STX17: variants seen among roughly 807,000 people sequenced by gnomAD.
STX17 encodes the protein syntaxin-17.
STX17 carries 29 observed loss-of-function variants against 35.9 expected under a neutral mutation model. The observed-to-expected ratio is 0.81, with a 90% CI of 0.60 to 1.10. The LOEUF (loss-of-function observed/expected upper bound fraction) is 1.10. Among genes scored for constraint, STX17 ranks in the 50% least tolerant of loss-of-function variants. The probability of loss-of-function intolerance (pLI) is 0.00; values close to 1 mark genes in which losing one functional copy is unlikely to be tolerated. For synonymous variants in STX17, 92 were observed against 118.3 expected, an observed-to-expected ratio of 0.78 and a Z score of 1.44; for missense variants, 312 against 352.3, an observed-to-expected ratio of 0.89 and a Z score of 0.92.
rs200594087 is a variant in STX17, at chr9:99,928,954, A to G, written c.189+111A>G. ...AACCCTTTTATACACATTTGTTACT[A>G]TTTACTTGAGGATACATTTTTAGCA... On this transcript the variant is annotated intron_variant, in intron 3 of 7. Coordinates refer to ENST00000259400, the MANE Select transcript of STX17 (RefSeq NM_017919.3). 7 of 867,368 alleles carry G rather than the reference A, an allele frequency of 8.1e-6. No individual in the cohort carries two copies. In the East Asian group the frequency reaches 8.2e-5, roughly 10 times the overall value. The allele number at this position is 867,368 out of a possible 1,614,324, so 53.7% of individuals were successfully genotyped here.
At chr9:99,906,802 G>T (rs1019651229) in intron 1 of STX17, 96 bp downstream of exon 1, 7 of 152,294 alleles carry the variant, frequency 4.6e-5, no homozygotes, top group Non-Finnish European at 8.8e-5. Context: ...GGCGCTGGGC[G>T]GCAAGTAGGG....
At chr9:99,948,889 A>G (rs1829538080) in intron 3 of STX17, among the ~76,000 whole-genome samples, 1 of 152,164 alleles carries the variant, frequency 6.6e-6, no homozygotes, top group South Asian at 2.1e-4. Context: ...ACAAATGCTC[A>G]TTAAGTTTGG....
intron 4 of STX17, among the ~76,000 whole-genome samples, chr9:99,953,049 A>G (rs1263405145): frequency 2.0e-5 from 3 of 152,056 alleles, no homozygotes; most frequent in African/African-American, 7.2e-5. Context: ...AAAAATAAGA[A>G]TAAAAATAAA....
At position 99,968,821 on chromosome 9, in the gene STX17, A is replaced by G; in HGVS notation, c.*148A>G. Reference sequence around the variant, plus strand: ...GGATTGAAGTGTGATAAATGGATATATTTTGTTGTTTGCTGGGGTGTTCAT... The same window carrying G: ...GGATTGAAGTGTGATAAATGGATATGTTTTGTTGTTTGCTGGGGTGTTCAT... On this transcript the variant is annotated 3_prime_UTR_variant, in exon 8 of 8. Transcript: ENST00000259400. 7.7e-7 allele frequency: 1 copy of G among 1,292,884 alleles called. No individual in the cohort carries two copies. Among genetic ancestry groups the G allele is most frequent in the East Asian group, 2.5e-5 (1 of 40,384 alleles). The allele number at this position is 1,292,884 out of a possible 1,614,324, so 80.1% of individuals were successfully genotyped here.
At chr9:99,916,538 G>C (rs1010593219) in intron 2 of STX17, among the ~76,000 whole-genome samples, 1 of 151,852 alleles carries the variant, frequency 6.6e-6, no homozygotes, top group Non-Finnish European at 1.5e-5. Context: ...ACTCAACTCA[G>C]TAGCATATAG....
intron 4 of STX17, 57 bp from the exon 5 acceptor site, chr9:99,959,860 G>A (rs2118518616): frequency 7.8e-7 from 1 of 1,275,868 alleles, no homozygotes; most frequent in Non-Finnish European, 1.1e-6. Flanking sequence ...AATTTATGCT[G>A]TCTCTTTTCT....
intron 6 of STX17, among the ~76,000 whole-genome samples, chr9:99,962,083 C>T (rs540920610): frequency 3.3e-5 from 5 of 152,296 alleles, no homozygotes; most frequent in Admixed American, 3.3e-4. Context: ...TTCTTCTCTT[C>T]AGAACCCTTG....
At chr9:99,909,077 A>G (rs936386739) in intron 1 of STX17, among the ~76,000 whole-genome samples, 1 of 152,246 alleles carries the variant, frequency 6.6e-6, no homozygotes, top group African/African-American at 2.4e-5. Flanking sequence ...AAGTAATTTC[A>G]GGATTTCTGA....
In STX17 at chr9:99,974,007, T is replaced by TATA. The variant is rs1203882267; in HGVS notation, c.*5338_*5340dup. Among the ~76,000 whole-genome samples the TATA allele has an allele frequency of 6.6e-6, 1 of 152,220 alleles. No individual in the cohort carries two copies. Among genetic ancestry groups the TATA allele is most frequent in the African/African-American group, 2.4e-5 (1 of 41,448 alleles). ...GTCTAAAATAATTTCTATATTACTT[T>TATA]ATAATAGTCAGCTGGGGGTTATTTA... On this transcript the variant is annotated 3_prime_UTR_variant, in exon 8 of 8. Coordinates refer to ENST00000259400, the MANE Select transcript of STX17 (RefSeq NM_017919.3).
rs1829998806 is a variant in STX17 at position 99,970,404 on chromosome 9, A to C, written c.*1731A>C. ...ATAATACCAAGAAGGAAATACTTTG[A>C]ATAAGTGTCAGATTCTGATCCAGTA... On this transcript the variant is annotated 3_prime_UTR_variant, in exon 8 of 8. Coordinates refer to ENST00000259400, the MANE Select transcript of STX17 (RefSeq NM_017919.3). The C allele has an allele frequency of 6.6e-6, 1 of 152,220 alleles. No individual in the cohort carries two copies. The highest frequency in any genetic ancestry group is 2.1e-4 in the South Asian group (1 of 4,834). The allele number at this position is 152,220 out of a possible 1,614,324, so 9.4% of individuals were successfully genotyped here.
chr9:99,951,252 C>T lies in STX17; in HGVS notation c.382C>T (p.Gln128Ter), dbSNP rs1829587557. 1 of 1,612,698 alleles carries T rather than the reference C, an allele frequency of 6.2e-7. No homozygotes were observed. The highest frequency in any genetic ancestry group is 1.1e-5 in the South Asian group (1 of 91,058). ...KQFNDEETLL[Q>*]PPLTRSMTVG... ...ATTTAATGATGAAGAAACTTTGCTACAGCCTCCTTTGACCAGATCCATGAC... is the reference window on the plus strand; with the variant it reads ...ATTTAATGATGAAGAAACTTTGCTATAGCCTCCTTTGACCAGATCCATGAC... Residue 128 changes from glutamine (Q) to a stop codon, truncating the protein, a stop_gained, in exon 4 of 8, where the codon CAG (glutamine) becomes TAG (stop). Coordinates refer to ENST00000259400, the MANE Select transcript of STX17 (RefSeq NM_017919.3). LOFTEE classifies it high-confidence loss of function.
intron 4 of STX17, among the ~76,000 whole-genome samples, chr9:99,954,504 A>C (rs976677981): frequency 6.6e-6 from 1 of 152,098 alleles, no homozygotes; most frequent in Admixed American, 6.6e-5. Flanking sequence ...ACTAATTTAC[A>C]TAAGACTTTA....
At chr9:99,954,545 A>G (rs1220951364) in intron 4 of STX17, among the ~76,000 whole-genome samples, 1 of 151,972 alleles carries the variant, frequency 6.6e-6, no homozygotes, top group African/African-American at 2.4e-5. Context: ...TTTGCTCCAT[A>G]TTTGGTCTTC....
At chr9:99,907,933 T>A (rs7039716) in intron 1 of STX17, among the ~76,000 whole-genome samples, 104,966 of 151,978 alleles carry the variant, frequency 0.69, 36,533 homozygotes, top group African/African-American at 0.73. Flanking sequence ...ACAGTTCCTC[T>A]GTCTTTTCCT....
chr9:99,913,584 A>G (rs1828700670), intron 1 of STX17, among the ~76,000 whole-genome samples: 1 of 152,136 alleles, frequency 6.6e-6, no homozygotes, highest in Non-Finnish European at 1.5e-5. Flanking sequence ...TTAAAAATAT[A>G]CTTACTTTAG....
intron 4 of STX17, 93 bp downstream of exon 4, chr9:99,951,378 T>A: frequency 8.9e-7 from 1 of 1,119,306 alleles, no homozygotes; most frequent in South Asian, 1.6e-5. Flanking sequence ...TCTATAGGTC[T>A]TCAGAGACCA....
chr9:99,932,230 T>C (rs1829141005), intron 3 of STX17, among the ~76,000 whole-genome samples: 1 of 152,176 alleles, frequency 6.6e-6, no homozygotes, highest in East Asian at 1.9e-4. Context: ...AAGGTTATTA[T>C]AGCTGCAGTA....
At chr9:99,926,797 C>T (rs1019809689) in intron 2 of STX17, among the ~76,000 whole-genome samples, 1 of 152,188 alleles carries the variant, frequency 6.6e-6, no homozygotes, top group Admixed American at 6.5e-5. Flanking sequence ...TGCGCCCAGC[C>T]TTGAGTCTTT....
At chr9:99,916,133 A>G (rs1828764786) in intron 2 of STX17, 1 of 453,232 alleles carries the variant, frequency 2.2e-6, no homozygotes, top group Non-Finnish European at 4.4e-6. Flanking sequence ...AAAGCTCACA[A>G]TTGAGAAGTA....
Sources: gnomAD v4.1 joint callset for allele counts (sites outside exome capture counted in the v4.1 genomes callset) on GRCh38, gnomAD v4.1.1 for gene constraint, MANE v1.5 for transcripts, NCBI Gene and HGNC (gene_info 2026-07-23, HGNC 2026-07-21) for gene names.